The following RSPO2 variants were observed in gnomAD, a reference collection of about 807,000 sequenced individuals.
The protein encoded by RSPO2 is R-spondin-2.
Under a neutral mutation model 30.9 loss-of-function variants are expected in RSPO2, and 14 were observed. The ratio of observed to expected loss-of-function variants is 0.45; its 90% CI spans 0.30 to 0.71. The LOEUF (loss-of-function observed/expected upper bound fraction) is 0.71. Among genes scored for constraint, RSPO2 ranks in the 30% least tolerant of loss-of-function variants. The pLI, the probability that RSPO2 is intolerant of heterozygous loss-of-function variation, is 0.08. For missense variants in RSPO2, 264 were observed against 301.9 expected (o/e 0.87, Z 0.93); for synonymous variants, 107 against 96.4 (o/e 1.11, Z -0.64).
chr8:108,082,737 A>G lies in RSPO2; in HGVS notation c.-99T>C. On this transcript the variant is annotated 5_prime_UTR_variant, in exon 2 of 6. Coordinates refer to ENST00000276659, the MANE Select transcript of RSPO2 (RefSeq NM_178565.5). ...GGCCGCGCTGCTGGGGAGGACTCAGAGGGAGACTCGCCACTCACCCCCGGG... is the reference window on the plus strand; with the variant it reads ...GGCCGCGCTGCTGGGGAGGACTCAGGGGGAGACTCGCCACTCACCCCCGGG... The G allele has an allele frequency of 1.1e-6, 1 of 941,982 alleles. No individual in the cohort carries two copies. Among genetic ancestry groups the G allele is most frequent in the South Asian group, 1.5e-5 (1 of 65,806 alleles). The allele number at this position is 941,982 out of a possible 1,614,324, so 58.4% of individuals were successfully genotyped here.
At chr8:107,943,561 G>A (rs1812967504) in intron 5 of RSPO2, among the ~76,000 whole-genome samples, 1 of 152,162 alleles carries the variant, frequency 6.6e-6, no homozygotes, top group South Asian at 2.1e-4. Flanking sequence ...GCGGTTCTTG[G>A]GATATCCAGG....
intron 5 of RSPO2, among the ~76,000 whole-genome samples, chr8:107,912,253 C>CA (rs1029163987): frequency 6.6e-6 from 1 of 152,122 alleles, no homozygotes; most frequent in Non-Finnish European, 1.5e-5. Flanking sequence ...AGCCATGCAC[C>CA]AACTCCTGAA....
rs559885407 is a variant in RSPO2, at chr8:108,043,136, G to A, written c.94+39409C>T. On this transcript the variant is annotated intron_variant, in intron 2 of 5. Coordinates refer to ENST00000276659, the MANE Select transcript of RSPO2 (RefSeq NM_178565.5). ...CAGCCTCAGGCAGTTTGTGAGTGAG[G>A]AAGAGTGGAAGATAAGAGCAATTAT... Among the ~76,000 whole-genome samples the A allele has an allele frequency of 4.6e-5, 7 of 152,288 alleles. No homozygotes were observed. The South Asian group carries it at 8.3e-4, about 18-fold the overall frequency.
chr8:108,057,291 TATG>T (rs1207680295), intron 2 of RSPO2, among the ~76,000 whole-genome samples: 1 of 151,970 alleles, frequency 6.6e-6, no homozygotes, highest in Non-Finnish European at 1.5e-5. Flanking sequence ...ACTTTATATT[TATG>T]TAGAAGGGAA....
chr8:108,035,425 C>T lies in RSPO2; in HGVS notation c.95-46181G>A, dbSNP rs561424773. 2.0e-5 allele frequency among the ~76,000 whole-genome samples: 3 copies of T among 152,232 alleles called. No individual in the cohort carries two copies. The East Asian group carries it at 5.8e-4, about 29-fold the overall frequency. On this transcript the variant is annotated intron_variant, in intron 2 of 5. Coordinates refer to ENST00000276659, the MANE Select transcript of RSPO2 (RefSeq NM_178565.5). ...ATTTATAGTGACTGTTGATTCCTCACCAGTTCTTTTTTTTGTTTTGTTTTT... is the reference window on the plus strand; with the variant it reads ...ATTTATAGTGACTGTTGATTCCTCATCAGTTCTTTTTTTTGTTTTGTTTTT...
At chr8:107,970,545 T>C (rs1813960712) in intron 3 of RSPO2, among the ~76,000 whole-genome samples, 1 of 152,170 alleles carries the variant, frequency 6.6e-6, no homozygotes, top group Admixed American at 6.5e-5. Flanking sequence ...CCATATACCA[T>C]CTGGCTGTGG....
chr8:107,991,577 C>G (rs749266515), intron 2 of RSPO2, among the ~76,000 whole-genome samples: 1 of 152,094 alleles, frequency 6.6e-6, no homozygotes, highest in East Asian at 1.9e-4. Flanking sequence ...AGCTTCTGTA[C>G]AGCAAAAGAA....
intron 2 of RSPO2, among the ~76,000 whole-genome samples, chr8:108,022,701 G>T (rs766341337): frequency 1.3e-5 from 2 of 151,984 alleles, no homozygotes; most frequent in African/African-American, 2.4e-5. Context: ...CGAGGTGGGC[G>T]GATCACCTGA....
At chr8:108,035,130 G>A (rs1300776787) in intron 2 of RSPO2, among the ~76,000 whole-genome samples, 3 of 152,172 alleles carry the variant, frequency 2.0e-5, no homozygotes, top group Non-Finnish European at 4.4e-5. Flanking sequence ...ATAACAGAAA[G>A]ACCAAAAGAT....
chr8:108,034,056 T>C lies in RSPO2; in HGVS notation c.95-44812A>G, dbSNP rs568840823. Among the ~76,000 whole-genome samples, 3 of 152,280 alleles carry C rather than the reference T, an allele frequency of 2.0e-5. No homozygotes were observed. The East Asian group carries it at 5.8e-4, about 29-fold the overall frequency. On this transcript the variant is annotated intron_variant, in intron 2 of 5. Transcript: ENST00000276659. Reference sequence around the variant, plus strand: ...AGTAATCTCTCATTAAACCAGAAACTGTGGTTTACATTGTTTAAAAAGTGC... The same window carrying C: ...AGTAATCTCTCATTAAACCAGAAACCGTGGTTTACATTGTTTAAAAAGTGC...
chr8:107,987,583 A>G (rs1466900502), intron 3 of RSPO2, among the ~76,000 whole-genome samples: 3 of 152,206 alleles, frequency 2.0e-5, no homozygotes, highest in African/African-American at 4.8e-5. Flanking sequence ...AGGACATTTA[A>G]TGGGCAGGGA....
chr8:107,971,758 A>C (rs1302122220), intron 3 of RSPO2, among the ~76,000 whole-genome samples: 2 of 152,192 alleles, frequency 1.3e-5, no homozygotes, highest in African/African-American at 4.8e-5. Flanking sequence ...CTACTTTAAA[A>C]TGCTTCAATG....
intron 2 of RSPO2, among the ~76,000 whole-genome samples, chr8:108,056,123 T>C (rs1469978817): frequency 2.6e-5 from 4 of 152,160 alleles, no homozygotes; most frequent in South Asian, 2.1e-4. Context: ...TTATGTATTA[T>C]AGGGGAATTG....
chr8:107,995,983 C>A lies in RSPO2; in HGVS notation c.95-6739G>T, dbSNP rs150242390. On this transcript the variant is annotated intron_variant, in intron 2 of 5. Transcript: ENST00000276659. ...ACCAAAAATAAGCTTATACTATCTA[C>A]AATTTTTCCAGCTGCCTTCTGAAGA... Among the ~76,000 whole-genome samples the A allele has an allele frequency of 3.3e-4, 51 of 152,280 alleles. No individual in the cohort carries two copies. In the East Asian group the frequency reaches 6.9e-3, roughly 21 times the overall value.
intron 2 of RSPO2, among the ~76,000 whole-genome samples, chr8:108,002,304 T>C (rs941682609): frequency 1.3e-5 from 2 of 152,206 alleles, no homozygotes; most frequent in African/African-American, 4.8e-5. Context: ...TCCAATTATT[T>C]AAATAGAAGA....
At chr8:107,916,536 A>G (rs1811989362) in intron 5 of RSPO2, among the ~76,000 whole-genome samples, 1 of 152,246 alleles carries the variant, frequency 6.6e-6, no homozygotes, top group Admixed American at 6.5e-5. Flanking sequence ...GCATAAGAAA[A>G]GAGGAATAAG....
Position 107,900,595 on chromosome 8 carries a change from A to G in RSPO2, c.*480T>C, listed in dbSNP as rs1811421707. On this transcript the variant is annotated 3_prime_UTR_variant, in exon 6 of 6. Coordinates refer to ENST00000276659, the MANE Select transcript of RSPO2 (RefSeq NM_178565.5). ...CCAGAGCATATCCTCAGCTAAAAGC[A>G]GTTTCATCGCACAACAGTGTGAAGG... is the stretch of plus-strand genomic sequence containing the variant. The G allele has an allele frequency of 6.5e-6, 1 of 153,180 alleles. No homozygotes were observed. The highest frequency in any genetic ancestry group is 2.4e-5 in the African/African-American group (1 of 41,482). 9.5% of individuals were successfully genotyped at this position (153,180 alleles called of 1,614,324 possible).
intron 5 of RSPO2, among the ~76,000 whole-genome samples, chr8:107,941,804 C>G (rs767647680): frequency 1.3e-5 from 2 of 152,096 alleles, no homozygotes; most frequent in Non-Finnish European, 2.9e-5. Context: ...GAAGTGAATT[C>G]TTTATAGTTA....
chr8:108,020,473 AGTCTGAGCTAT>A (rs1452920395), intron 2 of RSPO2, among the ~76,000 whole-genome samples: 2 of 152,196 alleles, frequency 1.3e-5, no homozygotes, highest in Non-Finnish European at 2.9e-5. Flanking sequence ...TCTAGTCTCA[AGTCTGAGCTAT>A]GTCTCATCTG....
Sources: gnomAD v4.1 joint callset for allele counts (sites outside exome capture counted in the v4.1 genomes callset) on GRCh38, gnomAD v4.1.1 for gene constraint, MANE v1.5 for transcripts, NCBI Gene and HGNC (gene_info 2026-07-23, HGNC 2026-07-21) for gene names.